The following ANK3 variants were observed in gnomAD, a reference collection of about 807,000 sequenced individuals.
The protein encoded by ANK3 is ankyrin 3.
In ANK3, 57 loss-of-function variants were observed where a neutral mutation model predicts 370.9. The observed-to-expected ratio is 0.15, with a 90% CI of 0.12 to 0.19. The LOEUF is 0.19. Among genes scored for constraint, ANK3 ranks in the 10% least tolerant of loss-of-function variants. The probability of loss-of-function intolerance (pLI) is 1.00; values close to 1 mark genes in which losing one functional copy is unlikely to be tolerated. For missense variants in ANK3, 4,439 were observed against 5,302.1 expected, an observed-to-expected ratio of 0.84 and a Z score of 5.06; for synonymous variants, 1,929 against 1,946.3, an observed-to-expected ratio of 0.99 and a Z score of 0.23.
intron 1 of ANK3, among the ~76,000 whole-genome samples, chr10:60,382,959 T>G (rs1402086848): frequency 6.6e-6 from 1 of 152,098 alleles, no homozygotes. Flanking sequence ...AAAATTTGAA[T>G]TAGTAAATAA....
At chr10:60,704,236 G>A (rs2079582344) in intron 1 of ANK3, among the ~76,000 whole-genome samples, 1 of 152,158 alleles carries the variant, frequency 6.6e-6, no homozygotes. Context: ...CCTCCAAGAT[G>A]TTTTAAAGTC....
At chr10:60,263,296 G>A (rs1044375599) in intron 6 of ANK3, among the ~76,000 whole-genome samples, 6 of 152,168 alleles carry the variant, frequency 3.9e-5, no homozygotes, top group African/African-American at 1.4e-4. Flanking sequence ...AAGAAAGCTA[G>A]ACTGAATGAT....
chr10:60,187,134 ATTTAT>A (rs141378213), intron 16 of ANK3, among the ~76,000 whole-genome samples: 23,807 of 144,682 alleles, frequency 0.16, 3,181 homozygotes, highest in African/African-American at 0.37. Context: ...TGGACATTTT[ATTTAT>A]TTTATTTTAT....
At chr10:60,114,524 A>G (rs537501391) in intron 25 of ANK3, among the ~76,000 whole-genome samples, 193 bp from the exon 26 acceptor site, 6 of 152,318 alleles carry the variant, frequency 3.9e-5, no homozygotes, top group Non-Finnish European at 5.9e-5. Context: ...CTATTGATGT[A>G]TTGTTTTATT....
At position 60,496,372 on chromosome 10, in the gene ANK3, C is replaced by A. The variant is rs139979584; in HGVS notation, c.96+118814G>T. 2.2e-4 allele frequency among the ~76,000 whole-genome samples: 34 copies of A among 152,246 alleles called. No homozygotes were observed. The East Asian group carries it at 6.2e-3, about 28-fold the overall frequency. ...CATGATGACAGAATTGTGAATGAGGCCCTTTCCTATGTGTTGAGCAATTAG... is the reference window on the plus strand; with the variant it reads ...CATGATGACAGAATTGTGAATGAGGACCTTTCCTATGTGTTGAGCAATTAG... On this transcript the variant is annotated intron_variant, in intron 2 of 43. Transcript: ENST00000373827.
chr10:60,691,343 C>G (rs1270532083), intron 1 of ANK3, among the ~76,000 whole-genome samples: 1 of 152,172 alleles, frequency 6.6e-6, no homozygotes, highest in African/African-American at 2.4e-5. Flanking sequence ...AAATTGCACT[C>G]TGGGTGAGTA....
intron 25 of ANK3, among the ~76,000 whole-genome samples, chr10:60,116,923 A>G (rs10821677): frequency 0.26 from 39,683 of 152,040 alleles, 5,668 homozygotes; most frequent in East Asian, 0.66. Context: ...ACATCATCGT[A>G]ACATTTCAGA....
intron 6 of ANK3, among the ~76,000 whole-genome samples, chr10:60,263,337 C>A (rs535003006): frequency 6.6e-6 from 1 of 152,290 alleles, no homozygotes; most frequent in East Asian, 1.9e-4. Context: ...CCAAATGTCA[C>A]ATTTCCGTCA....
chr10:60,418,965 A>G (rs2063724583), intron 2 of ANK3, among the ~76,000 whole-genome samples: 1 of 152,164 alleles, frequency 6.6e-6, no homozygotes, highest in South Asian at 2.1e-4. Flanking sequence ...TATTTGTAAT[A>G]TTTACAATAC....
At chr10:60,095,605 A>G (rs1237931080) in intron 28 of ANK3, among the ~76,000 whole-genome samples, 1 of 151,664 alleles carries the variant, frequency 6.6e-6, no homozygotes, top group Non-Finnish European at 1.5e-5. Flanking sequence ...CTGGTCTTGA[A>G]CTCCTGGCCT....
At chr10:60,077,551 A>G (rs1324931678) in intron 36 of ANK3, among the ~76,000 whole-genome samples, 1 of 152,240 alleles carries the variant, frequency 6.6e-6, no homozygotes, top group Admixed American at 6.5e-5. Flanking sequence ...AGATTTTAGG[A>G]AAATATTTTC....
At chr10:60,389,337 A>C in intron 1 of ANK3, 88 bp downstream of exon 1, 1 of 1,276,546 alleles carries the variant, frequency 7.8e-7, no homozygotes, top group Non-Finnish European at 1.1e-6. Flanking sequence ...GCATGTAAAA[A>C]TAACCCTTAA....
chr10:60,418,268 A>G (rs768478766), intron 2 of ANK3, among the ~76,000 whole-genome samples: 15 of 152,134 alleles, frequency 9.9e-5, no homozygotes, highest in Non-Finnish European at 2.2e-4. Context: ...TAGAGCCTCA[A>G]TAAATATACA....
chr10:60,260,083 T>G (rs904182268), intron 7 of ANK3, among the ~76,000 whole-genome samples: 1 of 152,190 alleles, frequency 6.6e-6, no homozygotes, highest in Non-Finnish European at 1.5e-5. Flanking sequence ...TAGTACAATC[T>G]CAGCCCTTAT....
At chr10:60,308,295 CTTTTT>C (rs66593889) in intron 1 of ANK3, among the ~76,000 whole-genome samples, 4 of 84,088 alleles carry the variant, frequency 4.8e-5, no homozygotes, top group Non-Finnish European at 8.9e-5. Context: ...GGGAATCTGG[CTTTTT>C]TTTTTTTTTT....
chr10:60,372,123 A>C (rs577034077), intron 1 of ANK3, among the ~76,000 whole-genome samples: 1 of 152,352 alleles, frequency 6.6e-6, no homozygotes, highest in Non-Finnish European at 1.5e-5. Context: ...AGTTAAATTC[A>C]TATATTTCAA....
intron 1 of ANK3, among the ~76,000 whole-genome samples, chr10:60,627,723 C>A (rs1278776078): frequency 1.3e-5 from 2 of 152,090 alleles, no homozygotes; most frequent in African/African-American, 4.8e-5. Flanking sequence ...TGACTCTGAA[C>A]CCCAAACTTC....
intron 1 of ANK3, among the ~76,000 whole-genome samples, chr10:60,707,949 C>CT (rs1564596585): frequency 3.9e-5 from 6 of 152,136 alleles, no homozygotes; most frequent in African/African-American, 1.4e-4. Flanking sequence ...AAGTCAGAAT[C>CT]CTGCTAGTGC....
chr10:60,485,461 G>T (rs12356720), intron 2 of ANK3, among the ~76,000 whole-genome samples: 53,886 of 152,046 alleles, frequency 0.35, 9,982 homozygotes, highest in Middle Eastern at 0.41. Context: ...CTCAGGGAAG[G>T]CTTTAACAAT....
Sources: gnomAD v4.1 joint callset for allele counts (sites outside exome capture counted in the v4.1 genomes callset) on GRCh38, gnomAD v4.1.1 for gene constraint, MANE v1.5 for transcripts, NCBI Gene and HGNC (gene_info 2026-07-23, HGNC 2026-07-21) for gene names.